HHAT: variants seen among roughly 807,000 people sequenced by gnomAD.
HHAT encodes the protein protein-cysteine N-palmitoyltransferase HHAT.
A neutral mutation model predicts 70.8 loss-of-function variants in HHAT; 47 were observed. The ratio of observed to expected loss-of-function variants is 0.66; its 90% CI spans 0.53 to 0.85. The LOEUF (loss-of-function observed/expected upper bound fraction) is 0.85, where lower values mean the gene tolerates loss of function less well. Ranked by LOEUF, HHAT falls within the 40% of genes least tolerant of loss-of-function variation. The probability of loss-of-function intolerance (pLI) is 0.00; values close to 1 mark genes in which losing one functional copy is unlikely to be tolerated. For missense variants in HHAT, 609 were observed against 604.8 expected (o/e 1.01, Z -0.07); for synonymous variants, 228 against 247.6 (o/e 0.92, Z 0.74).
At chr1:210,664,162 T>C (rs1678395811) in intron 11 of HHAT, among the ~76,000 whole-genome samples, 1 of 152,220 alleles carries the variant, frequency 6.6e-6, no homozygotes, top group Non-Finnish European at 1.5e-5. Context: ...TTTGATAAGA[T>C]AACCAGCCCT....
At chr1:210,634,580 T>G (rs1671510155) in intron 11 of HHAT, among the ~76,000 whole-genome samples, 1 of 152,188 alleles carries the variant, frequency 6.6e-6, no homozygotes, top group Admixed American at 6.5e-5. Context: ...GGAGCTGCGC[T>G]TTTTCTCAGA....
chr1:210,397,646 GA>G (rs1287514471), intron 4 of HHAT, among the ~76,000 whole-genome samples: 1 of 151,864 alleles, frequency 6.6e-6, no homozygotes, highest in Non-Finnish European at 1.5e-5. Context: ...ACTTAAGAGA[GA>G]AAAAAGGTTG....
At chr1:210,382,105 G>A (rs908042250) in intron 3 of HHAT, among the ~76,000 whole-genome samples, 6 of 152,158 alleles carry the variant, frequency 3.9e-5, no homozygotes, top group African/African-American at 1.4e-4. Context: ...AAGGTTTAAG[G>A]GCGATGAGAA....
At chr1:210,562,041 A>G (rs145069752) in intron 9 of HHAT, among the ~76,000 whole-genome samples, 225 of 152,334 alleles carry the variant, frequency 1.5e-3, no homozygotes, top group African/African-American at 5.1e-3. Flanking sequence ...GTAAACTTAC[A>G]CCCTGTTGTA....
chr1:210,540,790 G>A (rs1301381639), intron 9 of HHAT, among the ~76,000 whole-genome samples: 4 of 151,910 alleles, frequency 2.6e-5, no homozygotes, highest in Admixed American at 1.3e-4. Context: ...AACTACAGGT[G>A]TGCCTCACCA....
At chr1:210,603,372 G>A (rs904644288) in intron 10 of HHAT, among the ~76,000 whole-genome samples, 2 of 152,156 alleles carry the variant, frequency 1.3e-5, no homozygotes, top group Admixed American at 6.5e-5. Flanking sequence ...CAGCACAGAT[G>A]AATGGTGGTT....
intron 8 of HHAT, among the ~76,000 whole-genome samples, chr1:210,469,883 G>C (rs1426601485): frequency 6.6e-6 from 1 of 152,030 alleles, no homozygotes; most frequent in African/African-American, 2.4e-5. Context: ...GTGCAGGTTT[G>C]TTATATAGGT....
At chr1:210,646,521 T>G (rs1168477866) in intron 11 of HHAT, among the ~76,000 whole-genome samples, 2 of 152,160 alleles carry the variant, frequency 1.3e-5, no homozygotes, top group African/African-American at 2.4e-5. Context: ...AAGAAGACAC[T>G]GAATCCTATT....
chr1:210,537,901 T>G (rs939951907), intron 9 of HHAT, among the ~76,000 whole-genome samples: 1 of 152,210 alleles, frequency 6.6e-6, no homozygotes, highest in Non-Finnish European at 1.5e-5. Flanking sequence ...GAAGTTCTCC[T>G]TTATTAATTT....
Position 210,577,009 on chromosome 1 carries a change from C to T in HHAT, c.1044-10889C>T, listed in dbSNP as rs184093215. Among the ~76,000 whole-genome samples the T allele has an allele frequency of 6.7e-5, 10 of 149,980 alleles. No individual in the cohort carries two copies. The East Asian group carries it at 1.7e-3, about 26-fold the overall frequency. On this transcript the variant is annotated intron_variant, in intron 9 of 11. Coordinates refer to ENST00000261458, the MANE Select transcript of HHAT (RefSeq NM_018194.6). ...TTCTTTTTGGATCATTTATTGTTTA[C>T]AGGAAAGCAACTGATTTTTATGTTA...
At position 210,464,615 on chromosome 1, in the gene HHAT, C is replaced by A. The variant is rs146916002; in HGVS notation, c.967C>A (p.Arg323Ser). 2.5e-6 allele frequency: 4 copies of A among 1,614,224 alleles called. No individual in the cohort carries two copies. Among genetic ancestry groups the A allele is most frequent in the Non-Finnish European group, 3.4e-6 (4 of 1,180,026 alleles). ...LDGLTPPALP[R>S]CVSTMFSFTG... ...TGGACTCACTCCACCCGCCCTCCCCCGCTGCGTGAGCACCATGTTCAGTTT... is the reference window on the plus strand; with the variant it reads ...TGGACTCACTCCACCCGCCCTCCCCAGCTGCGTGAGCACCATGTTCAGTTT... Residue 323 changes from arginine to serine, a missense_variant, in exon 8 of 12, where the codon CGC (arginine) becomes AGC (serine). By Grantham distance (110) the Arg-to-Ser change is moderately radical. Coordinates refer to ENST00000261458, the MANE Select transcript of HHAT (RefSeq NM_018194.6).
intron 8 of HHAT, among the ~76,000 whole-genome samples, chr1:210,510,123 G>C (rs1476761806): frequency 6.6e-6 from 1 of 152,166 alleles, no homozygotes; most frequent in Non-Finnish European, 1.5e-5. Context: ...AAATGGTTTT[G>C]AATATATTTA....
At chr1:210,537,421 C>T (rs1208408749) in intron 9 of HHAT, among the ~76,000 whole-genome samples, 1 of 152,200 alleles carries the variant, frequency 6.6e-6, no homozygotes, top group Admixed American at 6.5e-5. Context: ...TTGTATCCCT[C>T]TTCTCACTTC....
At chr1:210,330,583 G>A (rs1473035845) in intron 1 of HHAT, among the ~76,000 whole-genome samples, 3 of 152,130 alleles carry the variant, frequency 2.0e-5, no homozygotes, top group Non-Finnish European at 2.9e-5. Context: ...GGGAGCAGCC[G>A]TTTTTGTGGG....
At chr1:210,361,027 A>G (rs528582499) in intron 2 of HHAT, among the ~76,000 whole-genome samples, 2 of 152,234 alleles carry the variant, frequency 1.3e-5, no homozygotes, top group South Asian at 4.1e-4. Context: ...ATCTGAGGCT[A>G]GCGTGTAAAT....
intron 9 of HHAT, among the ~76,000 whole-genome samples, chr1:210,526,796 C>G (rs546683916): frequency 6.6e-6 from 1 of 152,286 alleles, no homozygotes; most frequent in South Asian, 2.1e-4. Context: ...AATACAGTAG[C>G]TATTAATCAC....
chr1:210,622,995 T>G (rs549873128), intron 10 of HHAT, among the ~76,000 whole-genome samples: 1 of 152,214 alleles, frequency 6.6e-6, no homozygotes, highest in Non-Finnish European at 1.5e-5. Context: ...AGCCCTCGCA[T>G]TTTGTTCCAC....
At chr1:210,477,757 A>G (rs1448161412) in intron 8 of HHAT, among the ~76,000 whole-genome samples, 1 of 152,306 alleles carries the variant, frequency 6.6e-6, no homozygotes, top group East Asian at 1.9e-4. Context: ...ATTGCGAGGC[A>G]GTCAGGCAAG....
intron 9 of HHAT, among the ~76,000 whole-genome samples, chr1:210,579,645 G>A (rs1658742024): frequency 6.6e-6 from 1 of 152,210 alleles, no homozygotes; most frequent in African/African-American, 2.4e-5. Context: ...AGGTTTACTT[G>A]ACAAGTTCGA....
Sources: gnomAD v4.1 joint callset for allele counts (sites outside exome capture counted in the v4.1 genomes callset) on GRCh38, gnomAD v4.1.1 for gene constraint, MANE v1.5 for transcripts, NCBI Gene and HGNC (gene_info 2026-07-23, HGNC 2026-07-21) for gene names.